Variants in BCAR3 observed in about 807,000 individuals in gnomAD.
The protein encoded by BCAR3 is BCAR3 adaptor protein, NSP family member.
BCAR3 carries 37 observed loss-of-function variants against 80.1 expected under a neutral mutation model. The observed-to-expected ratio is 0.46, with a 90% CI of 0.36 to 0.61. The LOEUF is 0.61. Ranked by LOEUF, BCAR3 falls within the 20% of genes least tolerant of loss-of-function variation. The pLI is 0.00. For synonymous variants in BCAR3, 389 were observed against 418.9 expected (o/e 0.93, Z 0.87); for missense variants, 978 against 1,068.2 (o/e 0.92, Z 1.18).
intron 2 of BCAR3, among the ~76,000 whole-genome samples, chr1:93,742,970 T>C (rs1429877416): frequency 6.6e-6 from 1 of 152,268 alleles, no homozygotes; most frequent in Non-Finnish European, 1.5e-5. Context: ...AAAATGAATA[T>C]TCTGCTTAAC....
At chr1:93,692,936 G>A (rs1222545016) in intron 3 of BCAR3, among the ~76,000 whole-genome samples, 1 of 152,132 alleles carries the variant, frequency 6.6e-6, no homozygotes, top group African/African-American at 2.4e-5. Flanking sequence ...TCTCAAGCAG[G>A]TCAGGAACCA....
rs138592184 is a variant in BCAR3 at position 93,586,160 on chromosome 1, T to C, written c.930-2039A>G. On this transcript the variant is annotated intron_variant, in intron 5 of 11. Coordinates refer to ENST00000260502, the MANE Select transcript of BCAR3 (RefSeq NM_003567.4). This position sits in a 1 kb window ranked among gnomAD's most constrained non-coding sequence, Gnocchi z 4.2. Reference sequence around the variant, plus strand: ...TTATTCATTCTTTCTAAATTTTTTGTACCCATTAACCATCCCCACCTCCCT... The same window carrying C: ...TTATTCATTCTTTCTAAATTTTTTGCACCCATTAACCATCCCCACCTCCCT... Among the ~76,000 whole-genome samples, 414 of 152,274 alleles carry C rather than the reference T, an allele frequency of 2.7e-3. 1 individual carries two copies. Among genetic ancestry groups the C allele is most frequent in the Non-Finnish European group, 3.7e-3 (252 of 68,006 alleles).
At chr1:93,564,290 C>CTTTTTTTT (rs35780346) in intron 11 of BCAR3, among the ~76,000 whole-genome samples, 30 of 103,676 alleles carry the variant, frequency 2.9e-4, no homozygotes, top group East Asian at 1.1e-3. Context: ...TTCTTTCTTT[C>CTTTTTTTT]TTTTTTTTTT....
At chr1:93,805,152 A>C (rs373047861) in intron 2 of BCAR3, among the ~76,000 whole-genome samples, 1 of 152,252 alleles carries the variant, frequency 6.6e-6, no homozygotes, top group East Asian at 1.9e-4. Context: ...AAGTTCAGGA[A>C]TCTTCTAGCT....
chr1:93,569,778 T>A (rs1557835653), intron 9 of BCAR3, among the ~76,000 whole-genome samples: 2 of 152,204 alleles, frequency 1.3e-5, no homozygotes, highest in African/African-American at 4.8e-5. Context: ...CTACAAAGCA[T>A]GGTAATGTGG....
chr1:93,564,208 G>T (rs1280724138), intron 11 of BCAR3, among the ~76,000 whole-genome samples: 1 of 151,216 alleles, frequency 6.6e-6, no homozygotes, highest in African/African-American at 2.4e-5. Flanking sequence ...TAGCCTAGAT[G>T]TAAGTCCTTT....
At chr1:93,595,905 G>A (rs955164870) in intron 3 of BCAR3, among the ~76,000 whole-genome samples, 1 of 152,202 alleles carries the variant, frequency 6.6e-6, no homozygotes, top group Non-Finnish European at 1.5e-5. Context: ...TGAATTACTG[G>A]TGACAGTGTA....
chr1:93,798,896 G>A (rs1051016918), intron 2 of BCAR3, among the ~76,000 whole-genome samples: 2 of 152,186 alleles, frequency 1.3e-5, no homozygotes, highest in Non-Finnish European at 2.9e-5. Flanking sequence ...CAGTCATGAG[G>A]TAATCTCCTC....
intron 5 of BCAR3, among the ~76,000 whole-genome samples, chr1:93,588,598 C>T (rs1674040233): frequency 1.3e-5 from 2 of 152,094 alleles, no homozygotes; most frequent in Non-Finnish European, 2.9e-5. Context: ...CCTACCAGCA[C>T]ATTCACTTCA....
At chr1:93,845,462 T>TTTTA (rs1557708361) in intron 2 of BCAR3, 9 of 80,148 alleles carry the variant, frequency 1.1e-4, no homozygotes, top group African/African-American at 4.7e-4. Context: ...CATAACAATT[T>TTTTA]TATATATATA....
At chr1:93,800,123 G>A (rs1438884127) in intron 2 of BCAR3, among the ~76,000 whole-genome samples, 1 of 152,092 alleles carries the variant, frequency 6.6e-6, no homozygotes, top group Non-Finnish European at 1.5e-5. Context: ...TTTGATTATT[G>A]ATTTTATTTC....
chr1:93,843,704 T>G (rs1414967279), intron 2 of BCAR3, among the ~76,000 whole-genome samples: 1 of 152,176 alleles, frequency 6.6e-6, no homozygotes, highest in East Asian at 1.9e-4. Context: ...TTTTTACCGG[T>G]AGGAATGCCC....
chr1:93,654,429 A>G (rs1457513327), intron 2 of BCAR3, among the ~76,000 whole-genome samples: 1 of 152,114 alleles, frequency 6.6e-6, no homozygotes, highest in Non-Finnish European at 1.5e-5. Context: ...CAGTCCTACA[A>G]CCGCAAGGAA....
intron 2 of BCAR3, among the ~76,000 whole-genome samples, chr1:93,742,010 C>T (rs1174006228): frequency 6.6e-6 from 1 of 152,140 alleles, no homozygotes; most frequent in Non-Finnish European, 1.5e-5. Flanking sequence ...AATCAGAGCC[C>T]GTGTACCTGC....
intron 2 of BCAR3, among the ~76,000 whole-genome samples, chr1:93,823,052 G>A (rs1036966816): frequency 7.5e-6 from 1 of 133,202 alleles, no homozygotes; most frequent in Admixed American, 7.8e-5. Flanking sequence ...AGGGAGGAGT[G>A]TCTCTCCTCC....
At chr1:93,829,663 T>A (rs1654491077) in intron 2 of BCAR3, among the ~76,000 whole-genome samples, 1 of 152,212 alleles carries the variant, frequency 6.6e-6, no homozygotes, top group Non-Finnish European at 1.5e-5. Flanking sequence ...AAACTTTGAT[T>A]AAATAAATTT....
intron 2 of BCAR3, among the ~76,000 whole-genome samples, chr1:93,799,750 T>C (rs1203347846): frequency 1.3e-5 from 2 of 152,240 alleles, no homozygotes; most frequent in Non-Finnish European, 2.9e-5. Flanking sequence ...CTCAGCCATC[T>C]CAGCCCTTAA....
intron 2 of BCAR3, among the ~76,000 whole-genome samples, chr1:93,836,827 C>CGATT (rs1244597308): frequency 5.9e-5 from 9 of 152,130 alleles, no homozygotes; most frequent in African/African-American, 2.2e-4. Context: ...CTTAACTGAG[C>CGATT]GATTAACCTT....
intron 3 of BCAR3, among the ~76,000 whole-genome samples, chr1:93,633,584 T>C (rs1334201051): frequency 1.3e-5 from 2 of 152,150 alleles, no homozygotes; most frequent in Admixed American, 6.5e-5. Context: ...AATGGAAAAT[T>C]TCTCCTACTG....
Sources: allele counts gnomAD v4.1 joint callset (sites outside exome capture counted in the v4.1 genomes callset), GRCh38; gene constraint gnomAD v4.1.1; non-coding constraint Gnocchi (gnomAD v3.1); transcripts MANE v1.5; gene names NCBI Gene and HGNC (gene_info 2026-07-23, HGNC 2026-07-21).